The following RAP1A variants were observed in gnomAD, a reference collection of about 807,000 sequenced individuals.
The protein encoded by RAP1A is RAP1A, member of RAS oncogene family.
Under a neutral mutation model 26.4 loss-of-function variants are expected in RAP1A, and 6 were observed. The observed-to-expected ratio is 0.23, with a 90% CI of 0.12 to 0.45. The LOEUF (loss-of-function observed/expected upper bound fraction) is 0.45, where lower values mean the gene tolerates loss of function less well. Ranked by LOEUF, RAP1A falls within the 20% of genes least tolerant of loss-of-function variation. The pLI, the probability that RAP1A is intolerant of heterozygous loss-of-function variation, is 0.99. For synonymous variants in RAP1A, 73 were observed against 79.4 expected (o/e 0.92, Z 0.43); for missense variants, 121 against 217.2 (o/e 0.56, Z 2.78).
At chr1:111,573,649 A>G (rs142259714) in intron 1 of RAP1A, among the ~76,000 whole-genome samples, 3 of 152,122 alleles carry the variant, frequency 2.0e-5, no homozygotes, top group Non-Finnish European at 4.4e-5. Context: ...CTTTTTAATA[A>G]TAGCCACTCT....
At chr1:111,705,488 A>G (rs2101296687) in intron 6 of RAP1A, among the ~76,000 whole-genome samples, 1 of 152,358 alleles carries the variant, frequency 6.6e-6, no homozygotes, top group East Asian at 1.9e-4. Flanking sequence ...CAGGTAAAAA[A>G]AAATTAAGCT....
intron 1 of RAP1A, among the ~76,000 whole-genome samples, chr1:111,623,783 C>T (rs1350421310): frequency 6.6e-6 from 1 of 152,166 alleles, no homozygotes; most frequent in African/African-American, 2.4e-5. Context: ...GAAAACTATA[C>T]CACTGTGAGG....
At chr1:111,635,339 G>T (rs1322459701) in intron 1 of RAP1A, among the ~76,000 whole-genome samples, 1 of 152,110 alleles carries the variant, frequency 6.6e-6, no homozygotes, top group Non-Finnish European at 1.5e-5. Flanking sequence ...ATCTTGCTTT[G>T]AATATTTGGT....
intron 1 of RAP1A, among the ~76,000 whole-genome samples, chr1:111,582,319 A>G (rs1204821758): frequency 1.3e-5 from 2 of 152,182 alleles, no homozygotes; most frequent in African/African-American, 4.8e-5. Context: ...GCAGCCATGT[A>G]GCTAAGTCTT....
chr1:111,649,050 G>A (rs1571526906), intron 1 of RAP1A: 1 of 619,576 alleles, frequency 1.6e-6, no homozygotes, highest in East Asian at 3.7e-5. Flanking sequence ...ACTCTCCACA[G>A]ACTGGCACAT....
intron 1 of RAP1A, among the ~76,000 whole-genome samples, chr1:111,560,333 G>A (rs1004214161): frequency 6.6e-6 from 1 of 151,826 alleles, no homozygotes; most frequent in Non-Finnish European, 1.5e-5. Flanking sequence ...GATGGTCCTG[G>A]TCTCATTTAT....
At chr1:111,606,339 T>TA (rs55837478) in intron 1 of RAP1A, among the ~76,000 whole-genome samples, 11 of 150,440 alleles carry the variant, frequency 7.3e-5, no homozygotes, top group South Asian at 2.1e-4. Context: ...GAGGAACCTT[T>TA]AAAAAAAAAA....
chr1:111,690,341 A>G (rs1449189505), intron 1 of RAP1A, among the ~76,000 whole-genome samples: 1 of 152,174 alleles, frequency 6.6e-6, no homozygotes, highest in Non-Finnish European at 1.5e-5. Flanking sequence ...TCTTTGCCTT[A>G]CCTTTTGAAG....
intron 1 of RAP1A, among the ~76,000 whole-genome samples, chr1:111,659,511 C>CT (rs371417275): frequency 0.069 from 9,747 of 141,518 alleles, 378 homozygotes; most frequent in East Asian, 0.14. Context: ...GTGACAGTCT[C>CT]TTTTTTTTTT....
chr1:111,616,537 T>C (rs1395671615), upstream of RAP1A, among the ~76,000 whole-genome samples: 1 of 152,196 alleles, frequency 6.6e-6, no homozygotes, highest in East Asian at 1.9e-4. Context: ...ACTTGTTTGA[T>C]TACTTCCTCT....
chr1:111,657,909 T>G (rs1660514356), intron 1 of RAP1A, among the ~76,000 whole-genome samples: 1 of 152,216 alleles, frequency 6.6e-6, no homozygotes, highest in South Asian at 2.1e-4. Flanking sequence ...GTTTAGTTTC[T>G]AAATATTTGG....
upstream of RAP1A, among the ~76,000 whole-genome samples, chr1:111,616,193 G>A (rs948460212): frequency 1.3e-5 from 2 of 152,230 alleles, no homozygotes; most frequent in African/African-American, 4.8e-5. Context: ...CTGGTGAAAG[G>A]AAAGGGCAGG....
At chr1:111,641,636 T>C (rs1013516341) in intron 1 of RAP1A, among the ~76,000 whole-genome samples, 1 of 151,484 alleles carries the variant, frequency 6.6e-6, no homozygotes, top group South Asian at 2.1e-4. Context: ...GGTGTGTGCG[T>C]GTGTGTGTGT....
At chr1:111,610,915 T>C (rs1475210658) in intron 1 of RAP1A, among the ~76,000 whole-genome samples, 2 of 152,230 alleles carry the variant, frequency 1.3e-5, no homozygotes, top group African/African-American at 2.4e-5. Flanking sequence ...ATTTTATAAA[T>C]GCGAAAGCAA....
At chr1:111,692,713 A>G (rs564167058) in intron 2 of RAP1A, among the ~76,000 whole-genome samples, 5 of 152,310 alleles carry the variant, frequency 3.3e-5, no homozygotes, top group Non-Finnish European at 7.4e-5. Flanking sequence ...ATGATATCCA[A>G]GATACATTAT....
intron 1 of RAP1A, among the ~76,000 whole-genome samples, chr1:111,689,533 A>AC (rs1661603429): frequency 6.6e-6 from 1 of 152,182 alleles, no homozygotes; most frequent in Non-Finnish European, 1.5e-5. Context: ...GGTTCTTATT[A>AC]TATGTGTGCC....
rs141850019 is a variant in RAP1A at position 111,646,220 on chromosome 1, G to A, written c.-28+26286G>A. On this transcript the variant is annotated intron_variant, in intron 1 of 7. Transcript: ENST00000369709. ...AGAACCCTTAGTAAATGACCAGGTT[G>A]TTTTTTACACTTTTTTTTCTCTCCC... 2.2e-3 allele frequency among the ~76,000 whole-genome samples: 338 copies of A among 152,090 alleles called. 1 individual carries two copies. The highest frequency in any genetic ancestry group is 7.6e-3 in the African/African-American group (317 of 41,488).
chr1:111,679,181 G>T (rs745576856), intron 1 of RAP1A, among the ~76,000 whole-genome samples: 1 of 152,296 alleles, frequency 6.6e-6, no homozygotes, highest in African/African-American at 2.4e-5. Flanking sequence ...ATTTCCAACT[G>T]AGGTACCCAG....
intron 1 of RAP1A, among the ~76,000 whole-genome samples, chr1:111,678,793 C>A (rs556545002): frequency 1.8e-4 from 27 of 151,828 alleles, no homozygotes; most frequent in Non-Finnish European, 3.1e-4. Context: ...TTTTATCCTG[C>A]AACTTCGCTA....
Sources: gnomAD v4.1 joint callset for allele counts (sites outside exome capture counted in the v4.1 genomes callset) on GRCh38, gnomAD v4.1.1 for gene constraint, MANE v1.5 for transcripts, NCBI Gene and HGNC (gene_info 2026-07-23, HGNC 2026-07-21) for gene names.